Variants in CNTN4 observed in about 807,000 individuals in gnomAD.
CNTN4 encodes the protein contactin-4.
CNTN4 carries 77 observed loss-of-function variants against 122.5 expected under a neutral mutation model. The ratio of observed to expected loss-of-function variants is 0.63; its 90% CI spans 0.52 to 0.76. The LOEUF (loss-of-function observed/expected upper bound fraction) is 0.76. Among genes scored for constraint, CNTN4 ranks in the 30% least tolerant of loss-of-function variants. The pLI is 0.00. For missense variants in CNTN4, 1,256 were observed against 1,259.1 expected (o/e 1.00, Z 0.04); for synonymous variants, 512 against 447.0 (o/e 1.15, Z -1.83).
intron 7 of CNTN4, among the ~76,000 whole-genome samples, chr3:2,824,531 T>A (rs1280496175): frequency 2.6e-5 from 4 of 152,106 alleles, no homozygotes; most frequent in Non-Finnish European, 2.9e-5. Flanking sequence ...AGATTTAAGG[T>A]CCATTCACAC....
At chr3:2,444,154 C>T (rs1347028446) in intron 3 of CNTN4, among the ~76,000 whole-genome samples, 1 of 148,714 alleles carries the variant, frequency 6.7e-6, no homozygotes, top group Non-Finnish European at 1.5e-5. Flanking sequence ...AGTCCCGTTA[C>T]TTCAATGAAT....
chr3:2,504,847 G>A (rs983595860), intron 3 of CNTN4, among the ~76,000 whole-genome samples: 1 of 152,070 alleles, frequency 6.6e-6, no homozygotes, highest in Non-Finnish European at 1.5e-5. Context: ...ATGGGGATAG[G>A]CTCTTTAAAA....
intron 4 of CNTN4, among the ~76,000 whole-genome samples, chr3:2,585,928 A>G (rs2080182411): frequency 6.6e-6 from 1 of 151,702 alleles, no homozygotes; most frequent in Non-Finnish European, 1.5e-5. Flanking sequence ...TCTAGGAATG[A>G]TGTAACTAGA....
chr3:2,622,695 G>A (rs746530879), intron 4 of CNTN4, among the ~76,000 whole-genome samples: 1 of 152,168 alleles, frequency 6.6e-6, no homozygotes, highest in African/African-American at 2.4e-5. Flanking sequence ...GACCTTTTGA[G>A]TTCTTCATAT....
intron 14 of CNTN4, among the ~76,000 whole-genome samples, chr3:2,997,199 G>A (rs920729359): frequency 3.3e-5 from 5 of 152,166 alleles, no homozygotes; most frequent in African/African-American, 1.2e-4. Flanking sequence ...GAAAACTTAG[G>A]CACTTTTACC....
In CNTN4 at chr3:2,232,548, G is replaced by C. The variant is rs4684341; in HGVS notation, c.-144-106630G>C. The stretch of plus-strand genomic sequence containing the variant: ...TGGTAGCTATTCTGACCAATAACAG[G>C]CTGTCTAAAAACTATATAGCTAAAA... On this transcript the variant is annotated intron_variant, in intron 2 of 24. Coordinates refer to ENST00000418658, the MANE Select transcript of CNTN4 (RefSeq NM_175607.3). 8.3e-3 allele frequency among the ~76,000 whole-genome samples: 1,261 copies of C among 152,022 alleles called. 11 individuals carry two copies. Among genetic ancestry groups the C allele is most frequent in the Admixed American group, 0.023 (344 of 15,272 alleles).
intron 3 of CNTN4, among the ~76,000 whole-genome samples, chr3:2,560,632 C>T (rs2149421670): frequency 6.6e-6 from 1 of 152,250 alleles, no homozygotes. Flanking sequence ...AAATAACTTG[C>T]CTAAAACAAT....
chr3:2,948,306 C>A lies in CNTN4; in HGVS notation c.1358+22527C>A, dbSNP rs550885569. 1.5e-4 allele frequency among the ~76,000 whole-genome samples: 23 copies of A among 152,186 alleles called. No homozygotes were observed. In the East Asian group the frequency reaches 4.3e-3, roughly 28 times the overall value. On this transcript the variant is annotated intron_variant, in intron 13 of 24. Transcript: ENST00000418658. ...TCTACAAACCTACAATACGTTCAAG[C>A]CTACAGAGCCTAGAGGAAGGAGGGA... is the stretch of plus-strand genomic sequence containing the variant.
In CNTN4 at chr3:2,255,044, G is replaced by A. The variant is rs149173954; in HGVS notation, c.-144-84134G>A. 2.2e-3 allele frequency among the ~76,000 whole-genome samples: 342 copies of A among 152,200 alleles called. 1 individual carries two copies. The highest frequency in any genetic ancestry group is 3.7e-3 in the Non-Finnish European group (253 of 67,990). On this transcript the variant is annotated intron_variant, in intron 2 of 24. Coordinates refer to ENST00000418658, the MANE Select transcript of CNTN4 (RefSeq NM_175607.3). ...GTCTTAGGTTTAAGTGTTTAATCCA[G>A]CTTGAGTTAATTTTTGTATAAGGTG...
intron 3 of CNTN4, among the ~76,000 whole-genome samples, chr3:2,570,007 A>G (rs866364432): frequency 1.3e-5 from 2 of 151,990 alleles, no homozygotes; most frequent in Non-Finnish European, 2.9e-5. Context: ...TCTGGCAAGC[A>G]GAAGATGCTT....
chr3:2,405,511 G>T (rs981342945), intron 3 of CNTN4, among the ~76,000 whole-genome samples: 2 of 151,870 alleles, frequency 1.3e-5, no homozygotes, highest in Non-Finnish European at 2.9e-5. Context: ...CTGCAAAATT[G>T]GAGCAACCCA....
intron 8 of CNTN4, among the ~76,000 whole-genome samples, chr3:2,878,088 GATGCCATTCTAT>G (rs2093865617): frequency 6.6e-6 from 1 of 152,082 alleles, no homozygotes; most frequent in Non-Finnish European, 1.5e-5. Context: ...GCAGTGAAAT[GATGCCATTCTAT>G]CTCTGATCCT....
At chr3:2,590,836 TTAGA>T (rs1481010611) in intron 4 of CNTN4, among the ~76,000 whole-genome samples, 3 of 152,032 alleles carry the variant, frequency 2.0e-5, no homozygotes, top group Non-Finnish European at 4.4e-5. Flanking sequence ...CTGATAAAAC[TTAGA>T]TAGCACTGTA....
intron 19 of CNTN4, 185 bp downstream of exon 19, chr3:3,039,188 T>A: frequency 1.6e-6 from 1 of 611,532 alleles, no homozygotes; most frequent in Non-Finnish European, 3.0e-6. Context: ...CCATCCATTG[T>A]TGAGGCAAGT....
intron 2 of CNTN4, among the ~76,000 whole-genome samples, chr3:2,185,638 C>G (rs1308115886): frequency 6.6e-6 from 1 of 152,118 alleles, no homozygotes; most frequent in Non-Finnish European, 1.5e-5. Context: ...GAGCCCGGCT[C>G]TCAGTCTGTG....
At chr3:2,473,657 A>G (rs2075756961) in intron 3 of CNTN4, among the ~76,000 whole-genome samples, 1 of 152,094 alleles carries the variant, frequency 6.6e-6, no homozygotes, top group African/African-American at 2.4e-5. Context: ...GTGATGCTTC[A>G]AAGATTAGTG....
At chr3:2,250,876 C>G (rs2040349934) in intron 2 of CNTN4, among the ~76,000 whole-genome samples, 1 of 151,770 alleles carries the variant, frequency 6.6e-6, no homozygotes, top group African/African-American at 2.4e-5. Context: ...GAGCCTTTTA[C>G]TGATTTTGCT....
At chr3:2,354,994 G>A (rs2044807487) in intron 3 of CNTN4, among the ~76,000 whole-genome samples, 2 of 152,178 alleles carry the variant, frequency 1.3e-5, no homozygotes, top group South Asian at 2.1e-4. Flanking sequence ...GTGAGTCATA[G>A]CCTCCCAGTG....
intron 7 of CNTN4, among the ~76,000 whole-genome samples, chr3:2,825,123 A>G (rs986216580): frequency 6.6e-6 from 1 of 152,180 alleles, no homozygotes; most frequent in Non-Finnish European, 1.5e-5. Context: ...CCTCTTGCCT[A>G]TAATTCTAGC....
Sources: allele counts gnomAD v4.1 joint callset (sites outside exome capture counted in the v4.1 genomes callset), GRCh38; gene constraint gnomAD v4.1.1; transcripts MANE v1.5; gene names NCBI Gene and HGNC (gene_info 2026-07-23, HGNC 2026-07-21).